The following XKR4 variants were observed in gnomAD, a reference collection of about 807,000 sequenced individuals.
XKR4 encodes the protein XK related 4.
XKR4 carries 12 observed loss-of-function variants against 53.9 expected under a neutral mutation model. The observed-to-expected ratio is 0.22, with a 90% CI of 0.14 to 0.36. The LOEUF (loss-of-function observed/expected upper bound fraction) is 0.36. Among genes scored for constraint, XKR4 ranks in the 10% least tolerant of loss-of-function variants. XKR4 has a pLI of 1.00. For missense variants in XKR4, 799 were observed against 859.5 expected (o/e 0.93, Z 0.88); for synonymous variants, 354 against 362.4 (o/e 0.98, Z 0.26).
At chr8:55,316,709 GT>G (rs1435810642) in intron 1 of XKR4, among the ~76,000 whole-genome samples, 1 of 152,034 alleles carries the variant, frequency 6.6e-6, no homozygotes, top group South Asian at 2.1e-4. Context: ...TGAAAACCCA[GT>G]TTCCCCTTTA....
At chr8:55,470,505 T>C (rs936961422) in intron 2 of XKR4, among the ~76,000 whole-genome samples, 1 of 152,154 alleles carries the variant, frequency 6.6e-6, no homozygotes, top group African/African-American at 2.4e-5. Context: ...GTCACCATGA[T>C]TGTGAGGCCT....
chr8:55,334,411 A>G (rs377728290), intron 1 of XKR4, among the ~76,000 whole-genome samples: 5 of 152,162 alleles, frequency 3.3e-5, no homozygotes, highest in African/African-American at 1.2e-4. Flanking sequence ...TCCATCTATA[A>G]CAGTTTCTCA....
chr8:55,259,164 C>T (rs1818480103), intron 1 of XKR4, among the ~76,000 whole-genome samples: 1 of 152,164 alleles, frequency 6.6e-6, no homozygotes, highest in Non-Finnish European at 1.5e-5. Context: ...ATCATAGCAC[C>T]GGCATCCACT....
At chr8:55,236,470 C>T (rs1288294346) in intron 1 of XKR4, among the ~76,000 whole-genome samples, 2 of 152,176 alleles carry the variant, frequency 1.3e-5, no homozygotes, top group Non-Finnish European at 2.9e-5. Flanking sequence ...AAGGGAATCA[C>T]CTGTGCTTGC....
intron 1 of XKR4, among the ~76,000 whole-genome samples, chr8:55,134,954 T>G (rs1309680675): frequency 6.7e-6 from 1 of 149,968 alleles, no homozygotes; most frequent in Non-Finnish European, 1.5e-5. Context: ...AAGCTGGATT[T>G]TTTTTTTTTT....
At chr8:55,486,481 G>T (rs961379303) in intron 2 of XKR4, among the ~76,000 whole-genome samples, 1 of 152,182 alleles carries the variant, frequency 6.6e-6, no homozygotes, top group Non-Finnish European at 1.5e-5. Flanking sequence ...AAACAAATTA[G>T]AACTCTCTAA....
At chr8:55,513,540 G>T (rs1334767569) in intron 2 of XKR4, among the ~76,000 whole-genome samples, 1 of 152,200 alleles carries the variant, frequency 6.6e-6, no homozygotes, top group Non-Finnish European at 1.5e-5. Context: ...TGCTGTCCTG[G>T]AAATAATCAG....
chr8:55,360,923 G>A (rs1366153032), intron 2 of XKR4, among the ~76,000 whole-genome samples: 3 of 152,204 alleles, frequency 2.0e-5, no homozygotes, highest in East Asian at 3.8e-4. Flanking sequence ...AGAACTGTTG[G>A]AGCATAATTG....
At chr8:55,493,338 A>G (rs1312729316) in intron 2 of XKR4, among the ~76,000 whole-genome samples, 1 of 152,136 alleles carries the variant, frequency 6.6e-6, no homozygotes, top group Non-Finnish European at 1.5e-5. Context: ...TTTGCTAGCT[A>G]TTTCCTCTGC....
intron 1 of XKR4, among the ~76,000 whole-genome samples, chr8:55,273,768 C>G (rs762902133): frequency 7.9e-5 from 12 of 152,186 alleles, no homozygotes; most frequent in Non-Finnish European, 1.5e-4. Context: ...AAACGCTGCC[C>G]CTCAAATACT....
chr8:55,254,409 G>A (rs1322173794), intron 1 of XKR4, among the ~76,000 whole-genome samples: 1 of 152,136 alleles, frequency 6.6e-6, no homozygotes, highest in Non-Finnish European at 1.5e-5. Flanking sequence ...GTCATGGATT[G>A]GGCGTGTGGC....
At chr8:55,465,927 C>G (rs1395540383) in intron 2 of XKR4, among the ~76,000 whole-genome samples, 86 of 152,154 alleles carry the variant, frequency 5.7e-4, no homozygotes, top group African/African-American at 2.0e-3. Flanking sequence ...CAAATCAAAA[C>G]CACAATGAGA....
chr8:55,463,964 T>G (rs1585588740), intron 2 of XKR4, among the ~76,000 whole-genome samples: 1 of 152,118 alleles, frequency 6.6e-6, no homozygotes, highest in East Asian at 1.9e-4. Flanking sequence ...TAACAGGCTC[T>G]GAAATTGAGG....
chr8:55,332,396 CTT>C (rs938082394), intron 1 of XKR4, among the ~76,000 whole-genome samples: 2 of 151,908 alleles, frequency 1.3e-5, no homozygotes, highest in Non-Finnish European at 2.9e-5. Flanking sequence ...TACCAGAAAA[CTT>C]TATGCTTTCA....
At chr8:55,502,157 T>A (rs767100363) in intron 2 of XKR4, among the ~76,000 whole-genome samples, 5 of 152,234 alleles carry the variant, frequency 3.3e-5, no homozygotes, top group Non-Finnish European at 7.3e-5. Context: ...TTGAAAAATA[T>A]ATTTTTTCAA....
rs1816610457 is a variant in XKR4 at position 55,135,356 on chromosome 8, G to A, written c.806+32062G>A. 5.7e-5 allele frequency: 14 copies of A among 244,372 alleles called. No individual in the cohort carries two copies. In the Admixed American group the frequency reaches 5.9e-4, roughly 10 times the overall value. The allele number at this position is 244,372 out of a possible 1,614,324, so 15.1% of individuals were successfully genotyped here. On this transcript the variant is annotated intron_variant, in intron 1 of 2. Transcript: ENST00000327381. ...AAAGCCTACACTCTTTAACCACTAT[G>A]TTGTAATCCTTCTATTTAGAGCAGA...
intron 1 of XKR4, among the ~76,000 whole-genome samples, chr8:55,213,445 G>A (rs759832176): frequency 2.0e-5 from 3 of 152,166 alleles, no homozygotes; most frequent in Non-Finnish European, 4.4e-5. Context: ...AAAGTATCTC[G>A]AGTACCAATC....
At chr8:55,325,863 T>C (rs538392128) in intron 1 of XKR4, among the ~76,000 whole-genome samples, 1 of 152,342 alleles carries the variant, frequency 6.6e-6, no homozygotes, top group South Asian at 2.1e-4. Flanking sequence ...TAAGACCTGG[T>C]AATTCCTCTC....
chr8:55,140,932 G>A (rs2129354188), intron 1 of XKR4, among the ~76,000 whole-genome samples: 1 of 152,294 alleles, frequency 6.6e-6, no homozygotes, highest in South Asian at 2.1e-4. Flanking sequence ...TTATTGTGTT[G>A]TGACAAGCAT....
Sources: gnomAD v4.1 joint callset for allele counts (sites outside exome capture counted in the v4.1 genomes callset) on GRCh38, gnomAD v4.1.1 for gene constraint, MANE v1.5 for transcripts, NCBI Gene and HGNC (gene_info 2026-07-23, HGNC 2026-07-21) for gene names.